Variants in USP54 observed in about 807,000 individuals in gnomAD.
USP54 encodes the protein ubiquitin specific peptidase 54, also known as ubiquitin carboxyl-terminal hydrolase 54.
USP54 carries 87 observed loss-of-function variants against 170.5 expected under a neutral mutation model. The observed-to-expected ratio is 0.51, with a 90% CI of 0.43 to 0.61. The LOEUF is 0.61. Among genes scored for constraint, USP54 ranks in the 20% least tolerant of loss-of-function variants. The pLI is 0.00. For synonymous variants in USP54, 655 were observed against 742.8 expected (o/e 0.88, Z 1.92); for missense variants, 1,786 against 2,047.8 (o/e 0.87, Z 2.47).
intron 21 of USP54, 155 bp from the exon 22 acceptor site, chr10:73,505,145 A>G (rs1564612705): frequency 7.9e-7 from 1 of 1,262,190 alleles, no homozygotes; most frequent in East Asian, 2.3e-5. Context: ...GCCATGTAAC[A>G]ATCTCCTCTA....
intron 4 of USP54, among the ~76,000 whole-genome samples, chr10:73,560,292 A>C (rs561142558): frequency 6.6e-6 from 1 of 151,810 alleles, no homozygotes; most frequent in South Asian, 2.1e-4. Context: ...TTCCATCATC[A>C]CTCTAGCCTC....
At chr10:73,590,593 A>C (rs1490209961) in intron 1 of USP54, among the ~76,000 whole-genome samples, 2 of 152,200 alleles carry the variant, frequency 1.3e-5, no homozygotes, top group Non-Finnish European at 2.9e-5. Flanking sequence ...GACTCAATCT[A>C]AATATCAAAT....
intron 20 of USP54, among the ~76,000 whole-genome samples, chr10:73,513,855 C>A (rs2133258264): frequency 6.6e-6 from 1 of 152,078 alleles, no homozygotes; most frequent in Admixed American, 6.6e-5. Context: ...TGGTCTGTCG[C>A]CCAGGTTAGA....
chr10:73,540,534 C>T, intron 9 of USP54, among the ~76,000 whole-genome samples: 1 of 152,118 alleles, frequency 6.6e-6, no homozygotes, highest in East Asian at 1.9e-4. Context: ...CACACTACTG[C>T]ACTCCAGCCT....
At chr10:73,590,351 C>T (rs1026707807) in intron 1 of USP54, among the ~76,000 whole-genome samples, 4 of 152,158 alleles carry the variant, frequency 2.6e-5, no homozygotes, top group Non-Finnish European at 2.9e-5. Flanking sequence ...CTCAACTGAA[C>T]AGCAATGAAA....
chr10:73,588,051 C>T (rs2077729620), intron 1 of USP54, among the ~76,000 whole-genome samples: 1 of 152,114 alleles, frequency 6.6e-6, no homozygotes, highest in African/African-American at 2.4e-5. Flanking sequence ...ATTATCTCTC[C>T]CCCATCTCTC....
At chr10:73,528,464 G>A (rs1229434338) in intron 15 of USP54, among the ~76,000 whole-genome samples, 3 of 151,300 alleles carry the variant, frequency 2.0e-5, no homozygotes, top group Non-Finnish European at 2.9e-5. Context: ...CACCATGTTG[G>A]CCAGGCTGGT....
intron 15 of USP54, 68 bp from the exon 16 acceptor site, chr10:73,526,848 ATCTC>A: frequency 6.5e-7 from 1 of 1,527,602 alleles, no homozygotes; most frequent in Admixed American, 2.3e-5. Flanking sequence ...CTAGGACTAA[ATCTC>A]TCTCTCAAAA....
chr10:73,583,519 C>T (rs919678890), intron 1 of USP54, among the ~76,000 whole-genome samples: 3 of 152,090 alleles, frequency 2.0e-5, no homozygotes, highest in South Asian at 2.1e-4. Context: ...CTGCTGACCT[C>T]GGGTGATCCG....
chr10:73,585,409 G>C (rs1030909207), intron 1 of USP54, among the ~76,000 whole-genome samples: 1 of 152,200 alleles, frequency 6.6e-6, no homozygotes, highest in African/African-American at 2.4e-5. Flanking sequence ...CTTCTGGCAA[G>C]GCCTCAGGGA....
Position 73,536,336 on chromosome 10 carries a change from G to A in USP54, c.1077C>T (p.Thr359=), listed in dbSNP as rs559963432. Residue 359 remains threonine (T), a synonymous_variant, in exon 11 of 24, where the codon ACC becomes ACT. Coordinates refer to ENST00000687698, the MANE Select transcript of USP54 (RefSeq NM_001391956.1). ...ACTCAGCTTGGGGAGGCAGGTCCTG[G>A]GTGGAAACTGGGGTACCCTGGGGAT... ...YADPQGTPVS[T]QDLPPQAEFQ... is the part of the protein sequence containing the mutation. 1 of 1,614,094 alleles carries A rather than the reference G, an allele frequency of 6.2e-7. No individual in the cohort carries two copies. The highest frequency in any genetic ancestry group is 2.2e-5 in the East Asian group (1 of 44,878).
chr10:73,505,825 A>G (rs145941040), intron 20 of USP54: 7,079 of 153,492 alleles, frequency 0.046, 503 homozygotes, highest in African/African-American at 0.15. Context: ...AGCGGAGATC[A>G]CGCCACTGCA....
intron 15 of USP54, 37 bp from the exon 16 acceptor site, chr10:73,526,817 A>T (rs2062953811): frequency 1.2e-6 from 2 of 1,610,004 alleles, no homozygotes; most frequent in African/African-American, 1.3e-5. Context: ...GAAAGCATGA[A>T]AGCAGGTTAT....
intron 4 of USP54, among the ~76,000 whole-genome samples, chr10:73,563,459 T>G (rs748092400): frequency 6.6e-6 from 1 of 152,124 alleles, no homozygotes; most frequent in Non-Finnish European, 1.5e-5. Flanking sequence ...CTTATTGATA[T>G]GGAGTTTCGC....
intron 1 of USP54, among the ~76,000 whole-genome samples, chr10:73,583,269 C>T (rs2077093989): frequency 6.6e-6 from 1 of 152,138 alleles, no homozygotes; most frequent in African/African-American, 2.4e-5. Flanking sequence ...GATGGCGAAA[C>T]CCTGTCTCTA....
chr10:73,524,301 C>T (rs1416821002), intron 16 of USP54, among the ~76,000 whole-genome samples: 5 of 151,470 alleles, frequency 3.3e-5, no homozygotes, highest in African/African-American at 7.3e-5. Context: ...AACAACAGGC[C>T]GGGCATGGTG....
intron 4 of USP54, among the ~76,000 whole-genome samples, chr10:73,548,686 A>G (rs2068458149): frequency 1.3e-5 from 2 of 152,166 alleles, no homozygotes; most frequent in African/African-American, 4.8e-5. Context: ...GAATGAGAAC[A>G]CTTGGACACA....
intron 10 of USP54, among the ~76,000 whole-genome samples, chr10:73,536,996 C>T (rs2065357785): frequency 1.3e-5 from 2 of 152,218 alleles, no homozygotes; most frequent in African/African-American, 4.8e-5. Flanking sequence ...TCGGCCTTAG[C>T]CCTGTGCTGG....
intron 20 of USP54, among the ~76,000 whole-genome samples, chr10:73,512,751 C>A (rs1363531225): frequency 6.6e-6 from 1 of 152,138 alleles, no homozygotes; most frequent in African/African-American, 2.4e-5. Flanking sequence ...TGTTTCTTTA[C>A]ACTACTAGAC....
Sources: allele counts gnomAD v4.1 joint callset (sites outside exome capture counted in the v4.1 genomes callset), GRCh38; gene constraint gnomAD v4.1.1; transcripts MANE v1.5; gene names NCBI Gene and HGNC (gene_info 2026-07-23, HGNC 2026-07-21).